Variants in GRID2 observed in about 807,000 individuals in gnomAD.
GRID2 encodes the protein glutamate receptor ionotropic, delta-2.
In GRID2, 33 loss-of-function variants were observed where a neutral mutation model predicts 114.8. That is an observed-to-expected ratio of 0.29 (90% CI 0.22 to 0.38). The LOEUF is 0.38. Among genes scored for constraint, GRID2 ranks in the 10% least tolerant of loss-of-function variants. GRID2 has a pLI of 1.00. For synonymous variants in GRID2, 505 were observed against 449.9 expected (o/e 1.12, Z -1.55); for missense variants, 1,184 against 1,257.7 (o/e 0.94, Z 0.89).
intron 2 of GRID2, among the ~76,000 whole-genome samples, chr4:92,902,912 A>G (rs1747682639): frequency 1.3e-5 from 2 of 151,924 alleles, no homozygotes; most frequent in Non-Finnish European, 2.9e-5. Flanking sequence ...ACATGGATCT[A>G]TGTGTTGATT....
chr4:92,439,270 T>C (rs1732896533), intron 1 of GRID2, among the ~76,000 whole-genome samples: 1 of 152,116 alleles, frequency 6.6e-6, no homozygotes, highest in South Asian at 2.1e-4. Flanking sequence ...TCTTTTGTGG[T>C]GGAATATCAT....
intron 12 of GRID2, among the ~76,000 whole-genome samples, chr4:93,496,322 ATTC>A (rs896006194): frequency 2.6e-5 from 4 of 151,754 alleles, no homozygotes; most frequent in African/African-American, 9.7e-5. Context: ...AGTGTCATGT[ATTC>A]TTCTCTCAGT....
intron 14 of GRID2, among the ~76,000 whole-genome samples, chr4:93,765,150 T>A (rs999732118): frequency 3.9e-5 from 6 of 152,194 alleles, no homozygotes; most frequent in Non-Finnish European, 7.3e-5. Context: ...ATCTTTAAAT[T>A]GGGTTTTTGT....
chr4:92,305,887 A>G (rs761371950), intron 1 of GRID2, among the ~76,000 whole-genome samples: 1 of 152,194 alleles, frequency 6.6e-6, no homozygotes, highest in Non-Finnish European at 1.5e-5. Flanking sequence ...TGGGCTGCAG[A>G]GAGGTCCCTT....
intron 2 of GRID2, among the ~76,000 whole-genome samples, chr4:92,828,308 G>A (rs192560944): frequency 7.2e-5 from 11 of 152,100 alleles, no homozygotes; most frequent in East Asian, 3.9e-4. Context: ...AGAAATCTGC[G>A]AATAGATTTG....
chr4:92,473,964 T>TTGTGTG lies in GRID2; in HGVS notation c.89-116131_89-116126dup, dbSNP rs59328379. On this transcript the variant is annotated intron_variant, in intron 1 of 15. Coordinates refer to ENST00000282020, the MANE Select transcript of GRID2 (RefSeq NM_001510.4). ...CCATCACCTCAAATTGTTATCTTGG[T>TTGTGTG]TGTGTGTGTGTGTGTGTGTGTGTGT... is the stretch of plus-strand genomic sequence containing the variant. Among the ~76,000 whole-genome samples the TTGTGTG allele has an allele frequency of 3.1e-3, 446 of 144,430 alleles. 1 individual carries two copies. Among genetic ancestry groups the TTGTGTG allele is most frequent in the East Asian group, 0.017 (84 of 4,898 alleles). The allele number at this position is 144,430 out of a possible 152,430, so 94.8% of individuals were successfully genotyped here.
intron 1 of GRID2, among the ~76,000 whole-genome samples, chr4:92,538,370 A>G (rs1044253369): frequency 7.9e-5 from 12 of 152,160 alleles, no homozygotes; most frequent in Non-Finnish European, 8.8e-5. Context: ...GTGTACAGGG[A>G]TGCTTCTTTT....
At chr4:92,438,578 CTGTGTGTGTG>C (rs34304139) in intron 1 of GRID2, among the ~76,000 whole-genome samples, 19 of 147,000 alleles carry the variant, frequency 1.3e-4, no homozygotes, top group South Asian at 4.4e-4. Flanking sequence ...AGTTTACCTT[CTGTGTGTGTG>C]TGTGTGTGTG....
intron 2 of GRID2, among the ~76,000 whole-genome samples, chr4:92,758,547 A>G (rs181625656): frequency 9.2e-5 from 14 of 152,222 alleles, no homozygotes; most frequent in Admixed American, 7.8e-4. Context: ...TTAAGTACTC[A>G]ATGGGGATAA....
intron 8 of GRID2, among the ~76,000 whole-genome samples, chr4:93,261,774 T>C (rs1391136384): frequency 6.6e-6 from 1 of 151,862 alleles, no homozygotes; most frequent in Non-Finnish European, 1.5e-5. Flanking sequence ...GTCTATTTAA[T>C]CTAGGGTTTG....
chr4:92,352,467 G>T (rs1365217248), intron 1 of GRID2, among the ~76,000 whole-genome samples: 1 of 151,680 alleles, frequency 6.6e-6, no homozygotes, highest in African/African-American at 2.4e-5. Flanking sequence ...TCTGCAGGTG[G>T]TCCTTTCACT....
At chr4:93,449,989 GAT>G (rs1722525226) in intron 10 of GRID2, among the ~76,000 whole-genome samples, 1 of 151,838 alleles carries the variant, frequency 6.6e-6, no homozygotes, top group African/African-American at 2.4e-5. Flanking sequence ...CTACTAGTTT[GAT>G]AGTGTTTATT....
chr4:93,376,907 CA>C (rs1451778121), intron 8 of GRID2, among the ~76,000 whole-genome samples: 1 of 152,126 alleles, frequency 6.6e-6, no homozygotes, highest in Non-Finnish European at 1.5e-5. Flanking sequence ...ATAAGTGCAG[CA>C]AAACACCTTT....
intron 2 of GRID2, among the ~76,000 whole-genome samples, chr4:92,817,719 G>T (rs1741002364): frequency 1.3e-5 from 2 of 150,820 alleles, no homozygotes; most frequent in Non-Finnish European, 3.0e-5. Context: ...TTTTTGGAGA[G>T]ATGGTGTCTC....
chr4:92,875,176 T>TCC (rs200636605), intron 2 of GRID2, among the ~76,000 whole-genome samples: 1 of 115,778 alleles, frequency 8.6e-6, no homozygotes, highest in Non-Finnish European at 1.9e-5. Context: ...TTTTTTTTTT[T>TCC]CCCGAGACGG....
At chr4:93,412,931 C>T (rs1767348469) in intron 9 of GRID2, among the ~76,000 whole-genome samples, 1 of 152,166 alleles carries the variant, frequency 6.6e-6, no homozygotes, top group Admixed American at 6.6e-5. Context: ...TGATCTCATT[C>T]TTTGCTATGG....
chr4:93,726,117 G>T (rs944113272), intron 14 of GRID2, among the ~76,000 whole-genome samples: 1 of 152,140 alleles, frequency 6.6e-6, no homozygotes, highest in African/African-American at 2.4e-5. Flanking sequence ...TATGGTTTTA[G>T]GTCTAACATG....
At chr4:92,738,973 T>C (rs1736735540) in intron 2 of GRID2, among the ~76,000 whole-genome samples, 1 of 152,168 alleles carries the variant, frequency 6.6e-6, no homozygotes, top group East Asian at 1.9e-4. Flanking sequence ...CAGTATGATT[T>C]TCTTTAATAA....
At chr4:93,788,354 G>A (rs891024645) in intron 1 of GRID2, among the ~76,000 whole-genome samples, 4 of 151,848 alleles carry the variant, frequency 2.6e-5, no homozygotes, top group African/African-American at 9.7e-5. Flanking sequence ...CCTAGGTTTT[G>A]GCAAAACATT....
Sources: gnomAD v4.1 joint callset for allele counts (sites outside exome capture counted in the v4.1 genomes callset) on GRCh38, gnomAD v4.1.1 for gene constraint, MANE v1.5 for transcripts, NCBI Gene and HGNC (gene_info 2026-07-23, HGNC 2026-07-21) for gene names.